Variants in PDE1B observed in about 807,000 individuals in gnomAD.
The protein encoded by PDE1B is phosphodiesterase 1B.
In PDE1B, 13 loss-of-function variants were observed where a neutral mutation model predicts 66.7. The ratio of observed to expected loss-of-function variants is 0.19; its 90% confidence interval spans 0.13 to 0.31. The LOEUF (loss-of-function observed/expected upper bound fraction) is 0.31, where lower values mean the gene tolerates loss of function less well. Ranked by LOEUF, PDE1B falls within the 10% of genes least tolerant of loss-of-function variation. The pLI, the probability that PDE1B is intolerant of heterozygous loss-of-function variation, is 1.00. For missense variants in PDE1B, 485 were observed against 682.3 expected, an observed-to-expected ratio of 0.71 and a Z score of 3.22; for synonymous variants, 230 against 253.9, an observed-to-expected ratio of 0.91 and a Z score of 0.90.
At position 54,549,768 on chromosome 12, in the gene PDE1B, C is replaced by T; in HGVS notation, c.-18C>T. The T allele has an allele frequency of 3.5e-6, 3 of 860,366 alleles. No individual in the cohort carries two copies. The highest frequency in any genetic ancestry group is 5.6e-6 in the Non-Finnish European group (3 of 537,690). The allele number at this position is 860,366 out of a possible 1,614,324, so 53.3% of individuals were successfully genotyped here. On this transcript the variant is annotated 5_prime_UTR_variant, in exon 1 of 16. Transcript: ENST00000243052. The stretch of plus-strand genomic sequence containing the variant: ...ACCGGCCTGGCTGGTCCACGCCAGC[C>T]GCAGGTGGGAAGGGCCTGGGATGGG...
chr12:54,552,781 C>T (rs1957295080), intron 2 of PDE1B, among the ~76,000 whole-genome samples: 1 of 152,184 alleles, frequency 6.6e-6, no homozygotes, highest in Admixed American at 6.5e-5. Flanking sequence ...GTGAAAGAGG[C>T]CATCTGGAGA....
In PDE1B at chr12:54,576,044, A is replaced by G; in HGVS notation, c.1320A>G (p.Ala440=). The part of the protein sequence containing the change: ...EPTFSVLTDV[A]EKSVQPLADE... ...CATTCTCTGTGCTGACTGACGTGGC[A>G]GAGAAGAGTGTTCAGCCCCTGGCGG... Residue 440 remains alanine, a synonymous_variant, in exon 13 of 16, where the codon GCA becomes GCG. Coordinates refer to ENST00000243052, the MANE Select transcript of PDE1B (RefSeq NM_000924.4). The G allele has an allele frequency of 6.2e-7, 1 of 1,614,124 alleles. No homozygotes were observed. The highest frequency in any genetic ancestry group is 2.2e-5 in the East Asian group (1 of 44,892).
intron 14 of PDE1B, 156 bp downstream of exon 14, chr12:54,576,857 T>C: frequency 1.4e-6 from 1 of 737,362 alleles, no homozygotes; most frequent in Non-Finnish European, 2.2e-6. Context: ...CAGGAAAGAC[T>C]GGCTGAGTGG....
chr12:54,575,879 C>T lies in PDE1B; in HGVS notation c.1268-113C>T. ...TGGGAAGTTTTCAGCCCCAGGTTAC[C>T]TCTCCATCCTCTTTCATAAGCAGCC... On this transcript the variant is annotated intron_variant, in intron 12 of 15. Transcript: ENST00000243052. This position sits in a 1 kb window ranked among gnomAD's most constrained non-coding sequence, Gnocchi z 4.0. The T allele has an allele frequency of 1.2e-6, 1 of 847,138 alleles. No individual in the cohort carries two copies. Among genetic ancestry groups the T allele is most frequent in the Non-Finnish European group, 2.0e-6 (1 of 499,264 alleles). The allele number at this position is 847,138 out of a possible 1,614,324, so 52.5% of individuals were successfully genotyped here.
chr12:54,576,157 G>C, intron 13 of PDE1B, 57 bp downstream of exon 13: 1 of 1,080,148 alleles, frequency 9.3e-7, no homozygotes, highest in Non-Finnish European at 1.4e-6. Context: ...GGTAGGGAGG[G>C]ATTTGGACTC....
chr12:54,570,525 G>T, intron 6 of PDE1B, 168 bp downstream of exon 6: 1 of 605,176 alleles, frequency 1.7e-6, no homozygotes, highest in South Asian at 2.0e-5. Flanking sequence ...ACTTGCTGCA[G>T]TCTTAGTTCC....
Position 54,569,230 on chromosome 12 carries a change from G to T in PDE1B, c.274G>T (p.Ala92Ser). The change falls in exon 4 of 16, where the codon GCC becomes TCC. Residue 92 changes from alanine to serine, a missense_variant. Ala to Ser is a moderately conservative substitution (Grantham distance 99). Around this residue, in one of 4 missense-constraint regions of PDE1B, gnomAD observed 282 missense variants for 453.4 expected, o/e 0.62. Coordinates refer to ENST00000243052, the MANE Select transcript of PDE1B (RefSeq NM_000924.4). The surrounding 1 kb of genome is among the most constrained non-coding windows in gnomAD (Gnocchi z 4.4). ...EDELQELRSD[A>S]VPSEVRDWLA... ...CGAGCTGCAGGAGCTGCGGTCAGAT[G>T]CCGTGCCTTCGGAGGTGCGGGACTG... 1 of 1,612,764 alleles carries T rather than the reference G, an allele frequency of 6.2e-7. No individual in the cohort carries two copies. The highest frequency in any genetic ancestry group is 8.5e-7 in the Non-Finnish European group (1 of 1,179,032).
rs371716158 is a variant in PDE1B, at chr12:54,563,328, T to G, written c.114-3646T>G. On this transcript the variant is annotated intron_variant, in intron 2 of 15. Coordinates refer to ENST00000243052, the MANE Select transcript of PDE1B (RefSeq NM_000924.4). ...GTTCTGCCTTAACAGCTTCATTGTT[T>G]GGGGACACGGTTAGGTTCCATTAGC... Among the ~76,000 whole-genome samples the G allele has an allele frequency of 2.7e-4, 41 of 152,370 alleles. 1 individual carries two copies. The highest frequency in any genetic ancestry group is 9.9e-4 in the African/African-American group (41 of 41,590).
intron 2 of PDE1B, among the ~76,000 whole-genome samples, chr12:54,556,284 A>C (rs138171686): frequency 1.0e-3 from 159 of 152,338 alleles, no homozygotes; most frequent in African/African-American, 3.6e-3. Flanking sequence ...CTAAGGCAGC[A>C]AGACTACATG....
intron 2 of PDE1B, chr12:54,554,427 C>T (rs1367585127): frequency 6.6e-6 from 1 of 152,236 alleles, no homozygotes; most frequent in African/African-American, 2.4e-5. Context: ...CCTTCTTCCT[C>T]TGCTTCCAGC....
At chr12:54,550,830 C>G (rs1386315469) in intron 2 of PDE1B, among the ~76,000 whole-genome samples, 2 of 152,130 alleles carry the variant, frequency 1.3e-5, no homozygotes, top group African/African-American at 4.8e-5. Flanking sequence ...ATCTGATACT[C>G]CAGTCCCAGG....
chr12:54,569,109 T>C lies in PDE1B; in HGVS notation c.228-75T>C. On this transcript the variant is annotated intron_variant, in intron 3 of 15. Coordinates refer to ENST00000243052, the MANE Select transcript of PDE1B (RefSeq NM_000924.4). The surrounding 1 kb of genome is among the most constrained non-coding windows in gnomAD (Gnocchi z 4.4). ...CATGAGAGTTACTAAATGTGGGGTA[T>C]GGCTGGGTACAGGGTCTCTAGGCTG... 1 of 1,499,338 alleles carries C rather than the reference T, an allele frequency of 6.7e-7. No individual in the cohort carries two copies. Among genetic ancestry groups the C allele is most frequent in the East Asian group, 2.4e-5 (1 of 42,468 alleles). The allele number at this position is 1,499,338 out of a possible 1,614,324, so 92.9% of individuals were successfully genotyped here. A position where few individuals can be genotyped will look rare whatever the true frequency, so the allele number is the denominator to read the frequency against.
intron 2 of PDE1B, among the ~76,000 whole-genome samples, chr12:54,552,370 T>A (rs995078225): frequency 6.6e-6 from 1 of 152,198 alleles, no homozygotes; most frequent in African/African-American, 2.4e-5. Flanking sequence ...GACATGATTA[T>A]CTTAGGACTG....
chr12:54,575,487 G>T lies in PDE1B; in HGVS notation c.1186-64G>T. The T allele has an allele frequency of 8.5e-7, 1 of 1,175,284 alleles. No homozygotes were observed. The highest frequency in any genetic ancestry group is 2.4e-5 in the East Asian group (1 of 42,472). 72.8% of individuals were successfully genotyped at this position (1,175,284 alleles called of 1,614,324 possible). ...CCCCCACCCCCACCACTTGCCACCTGTACCCCAGATCTGGTAGGTCTGAGG... is the reference window on the plus strand; with the variant it reads ...CCCCCACCCCCACCACTTGCCACCTTTACCCCAGATCTGGTAGGTCTGAGG... On this transcript the variant is annotated intron_variant, in intron 11 of 15. Transcript: ENST00000243052. The surrounding 1 kb of genome is among the most constrained non-coding windows in gnomAD (Gnocchi z 4.0).
chr12:54,567,230 G>A, intron 3 of PDE1B, 143 bp downstream of exon 3: 1 of 506,792 alleles, frequency 2.0e-6, no homozygotes, highest in South Asian at 2.3e-5. Context: ...AAGAGCTCTA[G>A]GTAGTGGCTC....
chr12:54,564,181 C>A (rs189491723), intron 2 of PDE1B, among the ~76,000 whole-genome samples: 1 of 152,046 alleles, frequency 6.6e-6, no homozygotes, highest in Admixed American at 6.6e-5. Context: ...TCAAATAACA[C>A]CCCCCACACC....
intron 2 of PDE1B, among the ~76,000 whole-genome samples, chr12:54,564,228 A>G (rs935379559): frequency 6.6e-5 from 10 of 151,990 alleles, no homozygotes; most frequent in Admixed American, 6.6e-5. Flanking sequence ...CTCTTATTGT[A>G]AAGTCTTTTG....
chr12:54,549,819 G>C, intron 1 of PDE1B, 41 bp from the exon 2 acceptor site: 1 of 1,411,330 alleles, frequency 7.1e-7, no homozygotes, highest in Non-Finnish European at 1.0e-6. Flanking sequence ...GGCTGGGGCT[G>C]AAGCTGAGCC....
intron 2 of PDE1B, among the ~76,000 whole-genome samples, chr12:54,562,793 C>T (rs1328907489): frequency 6.6e-6 from 1 of 152,160 alleles, no homozygotes; most frequent in African/African-American, 2.4e-5. Flanking sequence ...GAGTCCAGGT[C>T]CTCTTCTTAG....
Sources: gnomAD v4.1 joint callset for allele counts (sites outside exome capture counted in the v4.1 genomes callset) on GRCh38, gnomAD v4.1.1 for gene constraint, gnomAD v4.1.1 regional missense constraint, Gnocchi (gnomAD v3.1) non-coding constraint, MANE v1.5 for transcripts, NCBI Gene and HGNC (gene_info 2026-07-23, HGNC 2026-07-21) for gene names.